The following DMD variants were observed in gnomAD, a reference collection of about 807,000 sequenced individuals.
DMD encodes the protein mutant dystrophin.
DMD carries 63 observed loss-of-function variants against 330.1 expected under a neutral mutation model. The observed-to-expected ratio is 0.19, with a 90% CI of 0.16 to 0.24. The LOEUF (loss-of-function observed/expected upper bound fraction) is 0.24, where lower values mean the gene tolerates loss of function less well. DMD is among the 10% of genes least tolerant of loss of function. The pLI, the probability that DMD is intolerant of heterozygous loss-of-function variation, is 1.00. For missense variants in DMD, 3,344 were observed against 2,684.1 expected (o/e 1.25, Z -5.43); for synonymous variants, 1,223 against 959.8 (o/e 1.27, Z -5.07).
intron 1 of DMD, among the ~76,000 whole-genome samples, chrX:33,288,572 C>T (rs761013189): frequency 1.8e-5 from 2 of 110,855 alleles, no homozygotes; most frequent in South Asian, 7.7e-4. Flanking sequence ...TCCTATTGAC[C>T]TTAGGATGAA....
chrX:32,175,114 C>A (rs982633564), intron 44 of DMD, among the ~76,000 whole-genome samples: 1 of 111,438 alleles, frequency 9.0e-6, no homozygotes, highest in Admixed American at 9.6e-5. Context: ...ATAAAATTGG[C>A]AAATGTAAGT....
chrX:31,547,793 T>A (rs1484254580), intron 55 of DMD, among the ~76,000 whole-genome samples: 1 of 112,134 alleles, frequency 8.9e-6, no homozygotes, highest in Non-Finnish European at 1.9e-5. Flanking sequence ...TGGTATAAAA[T>A]CCTATTTTCT....
chrX:32,495,324 G>A (rs1035088079), intron 19 of DMD, among the ~76,000 whole-genome samples: 3 of 111,563 alleles, frequency 2.7e-5, no homozygotes, highest in Non-Finnish European at 3.8e-5. Flanking sequence ...CTGTACTCAT[G>A]AACTCATTCA....
chrX:31,255,524 C>T (rs990894343), intron 63 of DMD, among the ~76,000 whole-genome samples: 1 of 111,571 alleles, frequency 9.0e-6, no homozygotes, highest in African/African-American at 3.3e-5. Context: ...TTGACAACAG[C>T]TTGCCTCACT....
intron 1 of DMD, among the ~76,000 whole-genome samples, chrX:33,240,113 C>A (rs753117550): frequency 2.7e-5 from 3 of 110,577 alleles, no homozygotes; most frequent in African/African-American, 9.8e-5. Context: ...ATACTCAATC[C>A]GTATCATCAT....
intron 44 of DMD, chrX:32,155,580 A>C: frequency 4.4e-6 from 1 of 228,919 alleles, no homozygotes; most frequent in Non-Finnish European, 6.3e-6. Context: ...GATTGGACTC[A>C]ATTTCACTCC....
chrX:32,335,609 T>A (rs1488603402), intron 41 of DMD, among the ~76,000 whole-genome samples: 1 of 22,087 alleles, frequency 4.5e-5, no homozygotes, highest in Non-Finnish European at 9.8e-5. Context: ...TAAAACATTA[T>A]AAAACAAACA....
chrX:32,099,842 T>C (rs1457592431), intron 44 of DMD, among the ~76,000 whole-genome samples: 4 of 107,592 alleles, frequency 3.7e-5, no homozygotes, highest in Non-Finnish European at 7.7e-5. Flanking sequence ...GGTATACATA[T>C]GTAACTAACT....
chrX:31,555,753 CAA>C (rs1188818485), intron 55 of DMD, among the ~76,000 whole-genome samples: 1 of 112,032 alleles, frequency 8.9e-6, no homozygotes, highest in African/African-American at 3.2e-5. Context: ...AAGGCTGATG[CAA>C]TACAGAGACA....
intron 41 of DMD, among the ~76,000 whole-genome samples, chrX:32,341,680 C>T (rs952908660): frequency 5.0e-4 from 56 of 111,142 alleles, no homozygotes; most frequent in African/African-American, 1.7e-3. Flanking sequence ...TAAGATGTAC[C>T]ATGAAATATT....
At chrX:31,723,514 T>G (rs1467755486) in intron 52 of DMD, among the ~76,000 whole-genome samples, 2 of 109,815 alleles carry the variant, frequency 1.8e-5, no homozygotes, top group Non-Finnish European at 3.8e-5. Context: ...AGCTCCACCT[T>G]ATGTCTCAAT....
intron 1 of DMD, among the ~76,000 whole-genome samples, chrX:33,189,034 T>A (rs1183677917): frequency 8.9e-6 from 1 of 111,889 alleles, no homozygotes; most frequent in Non-Finnish European, 1.9e-5. Context: ...TATTTTGTTA[T>A]GGCAATGCTA....
At chrX:32,900,882 C>T (rs919192828) in intron 2 of DMD, among the ~76,000 whole-genome samples, 1 of 111,311 alleles carries the variant, frequency 9.0e-6, no homozygotes, top group Non-Finnish European at 1.9e-5. Flanking sequence ...TTGCAAATGA[C>T]ATCTCATTTG....
chrX:31,570,658 C>T (rs1274114493), intron 55 of DMD, among the ~76,000 whole-genome samples: 3 of 102,769 alleles, frequency 2.9e-5, no homozygotes, highest in South Asian at 4.8e-4. Context: ...TTTCCCTTTT[C>T]GGGCCAGTAT....
rs1467499293 is a variant in DMD, at chrX:32,821,435, A to G, written c.357+1860T>C. On this transcript the variant is annotated intron_variant, in intron 5 of 78. Coordinates refer to ENST00000357033, the MANE Select transcript of DMD (RefSeq NM_004006.3). ...CCGTCTCTACTAAAAATACAAAAAAAAATTAGCCGGGCGTGGTGGGGGGGC... is the reference window on the plus strand; with the variant it reads ...CCGTCTCTACTAAAAATACAAAAAAGAATTAGCCGGGCGTGGTGGGGGGGC... 3.7e-5 allele frequency among the ~76,000 whole-genome samples: 3 copies of G among 81,885 alleles called. No homozygotes were observed. The Admixed American group carries it at 4.4e-4, about 12-fold the overall frequency. 71.1% of individuals were successfully genotyped at this position (81,885 alleles called of 115,157 possible).
intron 51 of DMD, among the ~76,000 whole-genome samples, chrX:31,756,859 A>G (rs1402849807): frequency 9.0e-6 from 1 of 111,577 alleles, no homozygotes; most frequent in Non-Finnish European, 1.9e-5. Flanking sequence ...ATTTCTTTCC[A>G]TTTTTCAAAA....
At chrX:31,209,448 G>A (rs191820773) in intron 65 of DMD, 50 bp downstream of exon 65, 26 of 1,145,939 alleles carry the variant, frequency 2.3e-5, no homozygotes, top group East Asian at 1.8e-4. Flanking sequence ...CATTCTGTAC[G>A]CTAAGCCTCC....
At chrX:31,375,845 A>C (rs1167541693) in intron 60 of DMD, among the ~76,000 whole-genome samples, 1 of 109,794 alleles carries the variant, frequency 9.1e-6, no homozygotes, top group African/African-American at 3.3e-5. Flanking sequence ...TTAAAATGGT[A>C]AATTTTACAT....
intron 21 of DMD, among the ~76,000 whole-genome samples, chrX:32,476,820 C>G (rs2148515950): frequency 9.0e-6 from 1 of 111,672 alleles, no homozygotes; most frequent in Non-Finnish European, 1.9e-5. Flanking sequence ...CTTGTGATCC[C>G]AACATAGGAG....
Sources: gnomAD v4.1 joint callset for allele counts (sites outside exome capture counted in the v4.1 genomes callset) on GRCh38, gnomAD v4.1.1 for gene constraint, MANE v1.5 for transcripts, NCBI Gene and HGNC (gene_info 2026-07-23, HGNC 2026-07-21) for gene names.